PRKDC: variants seen among roughly 807,000 people sequenced by gnomAD.
PRKDC encodes protein kinase, DNA-activated, catalytic subunit.
In PRKDC, 82 loss-of-function variants were observed where a neutral mutation model predicts 486.9. The observed-to-expected ratio is 0.17, with a 90% CI of 0.14 to 0.20. The LOEUF (loss-of-function observed/expected upper bound fraction) is 0.20. Among genes scored for constraint, PRKDC ranks in the 10% least tolerant of loss-of-function variants. PRKDC has a pLI of 1.00. For missense variants in PRKDC, 4,504 were observed against 5,038.2 expected, an observed-to-expected ratio of 0.89 and a Z score of 3.21; for synonymous variants, 1,895 against 1,837.0, an observed-to-expected ratio of 1.03 and a Z score of -0.81.
chr8:47,831,397 T>G (rs1367477589), intron 60 of PRKDC, among the ~76,000 whole-genome samples: 2 of 152,180 alleles, frequency 1.3e-5, no homozygotes, highest in African/African-American at 2.4e-5. Flanking sequence ...CTAGGCGGAA[T>G]GGACGCCGCG....
At chr8:47,952,132 C>A (rs1222767544) in intron 7 of PRKDC, among the ~76,000 whole-genome samples, 1 of 152,178 alleles carries the variant, frequency 6.6e-6, no homozygotes, top group African/African-American at 2.4e-5. Context: ...CCAAAAGAAT[C>A]AACAGCAGGG....
intron 80 of PRKDC, among the ~76,000 whole-genome samples, chr8:47,780,810 C>T (rs190965905): frequency 4.6e-5 from 7 of 152,094 alleles, no homozygotes; most frequent in Admixed American, 1.3e-4. Flanking sequence ...TGGTGGTGCA[C>T]GCCTGTAATC....
At chr8:47,904,528 C>T (rs1351700308) in intron 26 of PRKDC, among the ~76,000 whole-genome samples, 3 of 152,228 alleles carry the variant, frequency 2.0e-5, no homozygotes, top group Non-Finnish European at 4.4e-5. Flanking sequence ...TGTTGGATTA[C>T]AGGCGTGAGC....
chr8:47,952,073 A>C (rs959596945), intron 7 of PRKDC, among the ~76,000 whole-genome samples: 1 of 152,254 alleles, frequency 6.6e-6, no homozygotes, highest in Non-Finnish European at 1.5e-5. Context: ...TCAGAAAATT[A>C]AAACTAAGGT....
chr8:47,779,971 T>C (rs187279835), intron 80 of PRKDC, among the ~76,000 whole-genome samples: 185 of 147,220 alleles, frequency 1.3e-3, no homozygotes, highest in African/African-American at 4.2e-3. Context: ...CTGGAGTGCA[T>C]TGGTGCAATC....
Position 47,818,556 on chromosome 8 carries a change from G to A in PRKDC, c.9445+846C>T, listed in dbSNP as rs181754382. The stretch of plus-strand genomic sequence containing the variant: ...ATCCCGCCACTGCACTCCAGCCTGC[G>A]AAACAGAGTGAGACTCCGTCTCAAA... On this transcript the variant is annotated intron_variant, in intron 67 of 85. Coordinates refer to ENST00000314191, the MANE Select transcript of PRKDC (RefSeq NM_006904.7). Among the ~76,000 whole-genome samples, 305 of 109,356 alleles carry A rather than the reference G, an allele frequency of 2.8e-3. 1 individual carries two copies. Among genetic ancestry groups the A allele is most frequent in the Admixed American group, 8.4e-3 (58 of 6,888 alleles). 71.7% of individuals were successfully genotyped at this position (109,356 alleles called of 152,430 possible).
chr8:47,957,579 C>T (rs554726699), intron 1 of PRKDC, 148 bp from the exon 2 acceptor site: 11 of 621,460 alleles, frequency 1.8e-5, no homozygotes, highest in South Asian at 6.2e-5. Flanking sequence ...GGCGCGATCT[C>T]GGCTCACTGC....
chr8:47,812,397 A>G (rs1173612284), intron 68 of PRKDC, among the ~76,000 whole-genome samples: 1 of 152,258 alleles, frequency 6.6e-6, no homozygotes, highest in Admixed American at 6.5e-5. Context: ...AAGAAGTCTC[A>G]ATAAAATTTA....
At chr8:47,780,847 A>G (rs1002896588) in intron 80 of PRKDC, among the ~76,000 whole-genome samples, 1 of 152,162 alleles carries the variant, frequency 6.6e-6, no homozygotes, top group Admixed American at 6.5e-5. Flanking sequence ...CTGAGGCAGG[A>G]GAATTGCTGG....
At position 47,918,304 on chromosome 8, in the gene PRKDC, A is replaced by G; in HGVS notation, c.2499T>C (p.His833=). Residue 833 remains histidine (H), a synonymous_variant, in exon 22 of 86, where the codon CAT becomes CAC. Transcript: ENST00000314191. ...QKGFNKVVLK[H]LKKTKNLSSN... Reference sequence around the variant, plus strand: ...ATGAAAGGTTCTTTGTCTTCTTCAGATGCTTTAACACCACTTTATTAAATC... The same window carrying G: ...ATGAAAGGTTCTTTGTCTTCTTCAGGTGCTTTAACACCACTTTATTAAATC... The G allele has an allele frequency of 6.3e-7, 1 of 1,590,314 alleles. No individual in the cohort carries two copies. The highest frequency in any genetic ancestry group is 8.6e-7 in the Non-Finnish European group (1 of 1,166,752).
chr8:47,927,699 G>A, intron 20 of PRKDC, 72 bp downstream of exon 20: 1 of 1,412,182 alleles, frequency 7.1e-7, no homozygotes, highest in South Asian at 1.8e-5. Context: ...CAGGGCAAGA[G>A]GATGGTGTTT....
intron 80 of PRKDC, among the ~76,000 whole-genome samples, chr8:47,781,452 A>G (rs938189380): frequency 6.6e-6 from 1 of 152,246 alleles, no homozygotes; most frequent in Non-Finnish European, 1.5e-5. Context: ...ATCAGAGAAC[A>G]TCAAAGAGAA....
At chr8:47,919,693 A>G (rs2090042771) in intron 21 of PRKDC, among the ~76,000 whole-genome samples, 1 of 150,606 alleles carries the variant, frequency 6.6e-6, no homozygotes, top group East Asian at 1.9e-4. Flanking sequence ...CTGATGGGCC[A>G]GAGATGATAA....
intron 80 of PRKDC, 117 bp from the exon 81 acceptor site, chr8:47,779,210 A>C (rs773137157): frequency 2.8e-6 from 2 of 722,048 alleles, no homozygotes; most frequent in East Asian, 2.8e-5. Flanking sequence ...AAAAATAATA[A>C]GACTTTTAAC....
chr8:47,951,737 GA>G, intron 7 of PRKDC, among the ~76,000 whole-genome samples: 1 of 151,916 alleles, frequency 6.6e-6, no homozygotes, highest in Non-Finnish European at 1.5e-5. Context: ...AAGAAAGAAA[GA>G]AAGAAAATGA....
intron 36 of PRKDC, 136 bp from the exon 37 acceptor site, chr8:47,882,233 A>G: frequency 1.2e-6 from 1 of 819,428 alleles, no homozygotes; most frequent in Non-Finnish European, 1.8e-6. Context: ...CTACTTCAAA[A>G]CTCCTCGAGT....
chr8:47,872,763 G>T (rs926853541), intron 40 of PRKDC, among the ~76,000 whole-genome samples: 1 of 152,062 alleles, frequency 6.6e-6, no homozygotes, highest in African/African-American at 2.4e-5. Flanking sequence ...TATATGCACC[G>T]GTCACTGCAG....
chr8:47,878,091 GT>G (rs1237274276), intron 39 of PRKDC, among the ~76,000 whole-genome samples: 4 of 139,840 alleles, frequency 2.9e-5, no homozygotes, highest in Non-Finnish European at 4.8e-5. Flanking sequence ...TTCTTTCTAG[GT>G]TTTTTTTTAG....
At chr8:47,832,554 G>T (rs1434563262) in intron 59 of PRKDC, among the ~76,000 whole-genome samples, 1 of 152,168 alleles carries the variant, frequency 6.6e-6, no homozygotes, top group East Asian at 1.9e-4. Flanking sequence ...ATGAAAAAAA[G>T]CTCATGGAAA....
Sources: allele counts gnomAD v4.1 joint callset (sites outside exome capture counted in the v4.1 genomes callset), GRCh38; gene constraint gnomAD v4.1.1; transcripts MANE v1.5; gene names NCBI Gene and HGNC (gene_info 2026-07-23, HGNC 2026-07-21).